Variants in CHORDC1 observed in about 807,000 individuals in gnomAD.
The protein encoded by CHORDC1 is cysteine and histidine rich domain containing 1.
A neutral mutation model predicts 48.3 loss-of-function variants in CHORDC1; 25 were observed. The observed-to-expected ratio is 0.52, with a 90% CI of 0.38 to 0.72. CHORDC1 has a LOEUF of 0.72. Ranked by LOEUF, CHORDC1 falls within the 30% of genes least tolerant of loss-of-function variation. The pLI is 0.00. For missense variants in CHORDC1, 317 were observed against 388.7 expected, an observed-to-expected ratio of 0.82 and a Z score of 1.55; for synonymous variants, 128 against 126.4, an observed-to-expected ratio of 1.01 and a Z score of -0.09.
intron 6 of CHORDC1, among the ~76,000 whole-genome samples, chr11:90,209,883 A>G (rs1407660986): frequency 6.6e-6 from 1 of 152,180 alleles, no homozygotes; most frequent in African/African-American, 2.4e-5. Flanking sequence ...TAAAGCAAGT[A>G]ATAGCTTCTC....
At chr11:90,221,995 T>A (rs1858183514) in intron 1 of CHORDC1, among the ~76,000 whole-genome samples, 1 of 152,138 alleles carries the variant, frequency 6.6e-6, no homozygotes, top group South Asian at 2.1e-4. Context: ...GAAGATTAAA[T>A]AAGATAAAGC....
At chr11:90,220,223 C>T (rs576509797) in intron 1 of CHORDC1, among the ~76,000 whole-genome samples, 1 of 152,276 alleles carries the variant, frequency 6.6e-6, no homozygotes, top group East Asian at 1.9e-4. Flanking sequence ...AAATTTACTA[C>T]TGGTGCTCAC....
intron 4 of CHORDC1, chr11:90,213,518 G>T: frequency 3.4e-6 from 2 of 590,558 alleles, no homozygotes; most frequent in South Asian, 4.0e-5. Flanking sequence ...ATTGCACAAT[G>T]AGCAAACGCT....
rs749095610 is a variant in CHORDC1 at position 90,214,063 on chromosome 11, T to G, written c.284A>C (p.His95Pro). The change falls in exon 4 of 11, where the codon CAC (histidine) becomes CCC (proline). Residue 95 changes from histidine to proline, a missense_variant. His to Pro is a moderately conservative substitution (Grantham distance 77). Transcript: ENST00000320585. Reference protein sequence around the residue: ...LCELKPKFQEHIIQAPKPVEA... With the variant: ...LCELKPKFQEPIIQAPKPVEA... The stretch of plus-strand genomic sequence containing the variant: ...TACTGGCTTAGGGGCTTGAATGATG[T>G]GTTCCTGAAATTTGGGTTTTAATTC... 6.2e-7 allele frequency: 1 copy of G among 1,613,514 alleles called. No individual in the cohort carries two copies. The highest frequency in any genetic ancestry group is 1.1e-5 in the South Asian group (1 of 91,034).
rs549006188 is a variant in CHORDC1 at position 90,202,338 on chromosome 11, C to G, written c.*67G>C. ...ACAACAAAACAAAAGATTACAGCAG[C>G]AAGCCACCACTTCACACAGTATTAA... On this transcript the variant is annotated 3_prime_UTR_variant, in exon 11 of 11. Coordinates refer to ENST00000320585, the MANE Select transcript of CHORDC1 (RefSeq NM_012124.3). 1 of 1,434,544 alleles carries G rather than the reference C, an allele frequency of 7.0e-7. No individual in the cohort carries two copies. The highest frequency in any genetic ancestry group is 1.4e-5 in the African/African-American group (1 of 70,952). 88.9% of individuals were successfully genotyped at this position (1,434,544 alleles called of 1,614,324 possible).
At chr11:90,203,121 TAAGTCTAC>T (rs1256313662) in intron 9 of CHORDC1, among the ~76,000 whole-genome samples, 179 bp downstream of exon 9, 7 of 152,158 alleles carry the variant, frequency 4.6e-5, no homozygotes, top group Non-Finnish European at 1.0e-4. Flanking sequence ...GGTTCAGCAG[TAAGTCTAC>T]TATACAGAAA....
Position 90,214,111 on chromosome 11 carries a change from G to T in CHORDC1, c.236C>A (p.Thr79Asn). The T allele has an allele frequency of 6.2e-7, 1 of 1,613,386 alleles. No homozygotes were observed. ...PPEPVKPEVKTTEKKELCELK... is the reference protein window; with the variant it reads ...PPEPVKPEVKNTEKKELCELK... ...TTCACATAGCTCCTTCTTCTCAGTA[G>T]TCTTGACTTCAGGTTTGACTGGCTC... Residue 79 changes from threonine (T) to asparagine (N), a missense_variant, in exon 4 of 11, where the codon ACT (threonine) becomes AAT (asparagine). Thr to Asn is a moderately conservative substitution (Grantham distance 65, BLOSUM62 0). Transcript: ENST00000320585.
At chr11:90,207,915 T>C (rs528677983) in intron 6 of CHORDC1, 10 of 152,096 alleles carry the variant, frequency 6.6e-5, no homozygotes, top group African/African-American at 1.9e-4. Flanking sequence ...GCTAAAGATA[T>C]ACAGGTGGGC....
At chr11:90,217,974 T>G (rs1351012486) in intron 2 of CHORDC1, 161 bp downstream of exon 2, 1 of 458,638 alleles carries the variant, frequency 2.2e-6, no homozygotes, top group East Asian at 3.7e-5. Context: ...CTACTGTCTT[T>G]TCTTTGTCTT....
At position 90,214,102 on chromosome 11, in the gene CHORDC1, T is replaced by C; in HGVS notation, c.245A>G (p.Lys82Arg). The C allele has an allele frequency of 1.2e-6, 2 of 1,613,598 alleles. No individual in the cohort carries two copies. The highest frequency in any genetic ancestry group is 1.7e-6 in the Non-Finnish European group (2 of 1,179,588). The stretch of plus-strand genomic sequence containing the variant: ...GGGTTTTAATTCACATAGCTCCTTC[T>C]TCTCAGTAGTCTTGACTTCAGGTTT... ...PVKPEVKTTE[K>R]KELCELKPKF... The change falls in exon 4 of 11, where the codon AAG (lysine) becomes AGG (arginine). Residue 82 changes from lysine to arginine, a missense_variant. Coordinates refer to ENST00000320585, the MANE Select transcript of CHORDC1 (RefSeq NM_012124.3).
intron 1 of CHORDC1, among the ~76,000 whole-genome samples, chr11:90,220,900 G>T (rs559536310): frequency 6.6e-6 from 1 of 152,074 alleles, no homozygotes; most frequent in East Asian, 1.9e-4. Context: ...CGTTTGTGAA[G>T]CTGTGTTTAT....
Position 90,210,565 on chromosome 11 carries a change from T to A in CHORDC1, c.463A>T (p.Thr155Ser). Residue 155 changes from threonine to serine, a missense_variant, in exon 6 of 11, where the codon ACC becomes TCC. Physicochemically the swap from Thr to Ser is moderately conservative, Grantham distance 58 (BLOSUM62 1). Transcript: ENST00000320585. ...GAACACCCTCCATTCTTACATGAGGTCCCAATCTTAATTTCATCATTGTCT... is the reference window on the plus strand; with the variant it reads ...GAACACCCTCCATTCTTACATGAGGACCCAATCTTAATTTCATCATTGTCT... Reference protein sequence around the residue: ...EEDNDEIKIGTSCKNGGCSKT... With the variant: ...EEDNDEIKIGSSCKNGGCSKT... The A allele has an allele frequency of 1.3e-6, 2 of 1,593,072 alleles. No individual in the cohort carries two copies. The highest frequency in any genetic ancestry group is 1.1e-5 in the South Asian group (1 of 90,020).
At chr11:90,213,340 A>C (rs1217164003) in intron 4 of CHORDC1, 1 of 638,302 alleles carries the variant, frequency 1.6e-6, no homozygotes, top group East Asian at 2.8e-5. Context: ...CAGCCAAAAA[A>C]AAAAAAAAAA....
At chr11:90,204,015 T>C (rs1857606017) in intron 8 of CHORDC1, among the ~76,000 whole-genome samples, 1 of 152,146 alleles carries the variant, frequency 6.6e-6, no homozygotes. Flanking sequence ...TTTTTTTTTA[T>C]AGAGGCAAAT....
intron 8 of CHORDC1, 92 bp from the exon 9 acceptor site, chr11:90,203,519 C>A (rs926330609): frequency 1.6e-6 from 2 of 1,223,484 alleles, no homozygotes; most frequent in African/African-American, 1.5e-5. Context: ...AAAAAACTAC[C>A]ATGCACAACA....
chr11:90,207,744 C>G (rs1005220166), intron 6 of CHORDC1: 1 of 82,312 alleles, frequency 1.2e-5, no homozygotes, highest in African/African-American at 4.6e-5. Flanking sequence ...TATACACACA[C>G]TAGAATGGTT....
intron 6 of CHORDC1, among the ~76,000 whole-genome samples, chr11:90,209,878 C>A (rs1857811781): frequency 6.6e-6 from 1 of 152,198 alleles, no homozygotes; most frequent in South Asian, 2.1e-4. Flanking sequence ...TTCCCTAAAG[C>A]AAGTAATAGC....
intron 8 of CHORDC1, among the ~76,000 whole-genome samples, chr11:90,204,418 G>T (rs1027219973): frequency 6.8e-6 from 1 of 148,070 alleles, no homozygotes; most frequent in Non-Finnish European, 1.5e-5. Context: ...ATCCAACCAT[G>T]TGTTATTAAA....
intron 2 of CHORDC1, 135 bp from the exon 3 acceptor site, chr11:90,215,365 T>A (rs1565171842): frequency 2.1e-6 from 1 of 476,586 alleles, no homozygotes; most frequent in Non-Finnish European, 3.8e-6. Flanking sequence ...CAGTGTTGCA[T>A]ATAATTCACC....
Sources: gnomAD v4.1 joint callset for allele counts (sites outside exome capture counted in the v4.1 genomes callset) on GRCh38, gnomAD v4.1.1 for gene constraint, MANE v1.5 for transcripts, NCBI Gene and HGNC (gene_info 2026-07-23, HGNC 2026-07-21) for gene names.